The following STK32B variants were observed in gnomAD, a reference collection of about 807,000 sequenced individuals.
STK32B encodes serine/threonine-protein kinase 32B.
A neutral mutation model predicts 52.6 loss-of-function variants in STK32B; 43 were observed. The ratio of observed to expected loss-of-function variants is 0.82; its 90% CI spans 0.64 to 1.05. STK32B has a LOEUF of 1.05. Ranked by LOEUF, STK32B falls within the 50% of genes least tolerant of loss-of-function variation. The pLI, the probability that STK32B is intolerant of heterozygous loss-of-function variation, is 0.00. For synonymous variants in STK32B, 238 were observed against 204.3 expected (o/e 1.17, Z -1.41); for missense variants, 621 against 534.6 (o/e 1.16, Z -1.59).
intron 11 of STK32B, among the ~76,000 whole-genome samples, chr4:5,476,096 C>T (rs1718217828): frequency 6.6e-6 from 1 of 152,064 alleles, no homozygotes; most frequent in African/African-American, 2.4e-5. Flanking sequence ...GATGGGGTTT[C>T]GCCACGTTGG....
chr4:5,193,928 C>T (rs1170627367), intron 3 of STK32B, among the ~76,000 whole-genome samples: 1 of 152,222 alleles, frequency 6.6e-6, no homozygotes, highest in Non-Finnish European at 1.5e-5. Context: ...TATCCTTTCC[C>T]TACTCCGCTG....
chr4:5,347,334 A>G (rs1733535532), intron 4 of STK32B, among the ~76,000 whole-genome samples: 1 of 152,226 alleles, frequency 6.6e-6, no homozygotes, highest in Non-Finnish European at 1.5e-5. Context: ...TCTATAAATA[A>G]AAATACTATC....
At chr4:5,135,999 A>G (rs1410670225) in intron 1 of STK32B, among the ~76,000 whole-genome samples, 1 of 152,196 alleles carries the variant, frequency 6.6e-6, no homozygotes, top group Non-Finnish European at 1.5e-5. Flanking sequence ...TTAGAAATGC[A>G]AATTCTCTAA....
Position 5,416,864 on chromosome 4 carries a change from C to T in STK32B, c.492C>T (p.Asp164=), listed in dbSNP as rs1346684876. ...LDEHGHVHIT[D]FNIATVVKGA... is the part of the protein sequence containing the mutation. ...TTGCAGGACATGTTCACATTACAGA[C>T]TTCAACATAGCGACGGTAGTGAAAG... Residue 164 remains aspartate (D), a synonymous_variant, in exon 6 of 12, where the codon GAC becomes GAT. Transcript: ENST00000282908. The T allele has an allele frequency of 3.7e-6, 6 of 1,613,800 alleles. No homozygotes were observed. In the African/African-American group the frequency reaches 5.3e-5, roughly 14 times the overall value.
chr4:5,303,045 T>C (rs1729671784), intron 3 of STK32B, among the ~76,000 whole-genome samples: 1 of 151,964 alleles, frequency 6.6e-6, no homozygotes, highest in Admixed American at 6.6e-5. Flanking sequence ...TATATATATG[T>C]ATGTATGTAT....
intron 4 of STK32B, among the ~76,000 whole-genome samples, chr4:5,348,408 CT>C (rs1000883311): frequency 6.6e-6 from 1 of 152,190 alleles, no homozygotes; most frequent in African/African-American, 2.4e-5. Context: ...CCCAACACCC[CT>C]TGCGCTTTTG....
chr4:5,322,422 G>T (rs1306963731), intron 3 of STK32B, among the ~76,000 whole-genome samples: 1 of 152,126 alleles, frequency 6.6e-6, no homozygotes, highest in Admixed American at 6.5e-5. Flanking sequence ...AGGTCAGATG[G>T]AATGGAAAGT....
At chr4:5,450,600 C>CT (rs1715902468) in intron 7 of STK32B, among the ~76,000 whole-genome samples, 1 of 152,244 alleles carries the variant, frequency 6.6e-6, no homozygotes, top group Non-Finnish European at 1.5e-5. Flanking sequence ...AACCCTGGCT[C>CT]TAACCAGGTA....
chr4:5,430,169 A>G (rs73211188), intron 6 of STK32B, among the ~76,000 whole-genome samples: 4,358 of 152,186 alleles, frequency 0.029, 69 homozygotes, highest in South Asian at 0.088. Context: ...GCAAATATAT[A>G]TATTTTTGAC....
At chr4:5,136,236 GTGT>G (rs1258024791) in intron 1 of STK32B, among the ~76,000 whole-genome samples, 1 of 152,230 alleles carries the variant, frequency 6.6e-6, no homozygotes, top group Admixed American at 6.5e-5. Context: ...TGCCGCCAAT[GTGT>G]TGTTCCATTG....
At chr4:5,250,574 A>G (rs1164000539) in intron 3 of STK32B, among the ~76,000 whole-genome samples, 1 of 152,108 alleles carries the variant, frequency 6.6e-6, no homozygotes, top group African/African-American at 2.4e-5. Context: ...CGGCCTCCCA[A>G]AGTGCTAGGA....
chr4:5,402,629 G>A (rs888507462), intron 5 of STK32B, among the ~76,000 whole-genome samples: 4 of 152,228 alleles, frequency 2.6e-5, no homozygotes, highest in African/African-American at 9.6e-5. Context: ...CACATCACCT[G>A]GGTCCTAAGA....
At chr4:5,109,186 C>T (rs1317633599) in intron 1 of STK32B, among the ~76,000 whole-genome samples, 1 of 152,160 alleles carries the variant, frequency 6.6e-6, no homozygotes, top group Admixed American at 6.5e-5. Context: ...GGATACAAGA[C>T]CCAGAAGCAA....
At chr4:5,151,436 T>C (rs1717356398) in intron 2 of STK32B, among the ~76,000 whole-genome samples, 1 of 152,140 alleles carries the variant, frequency 6.6e-6, no homozygotes. Context: ...TTATTAAGAG[T>C]TTTCCAGAAA....
chr4:5,337,623 G>T (rs1428255404), intron 4 of STK32B, among the ~76,000 whole-genome samples: 1 of 151,958 alleles, frequency 6.6e-6, no homozygotes, highest in African/African-American at 2.4e-5. Context: ...TTCAGGAAAA[G>T]TGATCTGATA....
intron 3 of STK32B, among the ~76,000 whole-genome samples, chr4:5,254,318 A>T (rs1393739327): frequency 6.7e-6 from 1 of 149,966 alleles, no homozygotes; most frequent in Non-Finnish European, 1.5e-5. Flanking sequence ...TATCAATTTT[A>T]TTGGTGGTTT....
At chr4:5,213,442 A>G (rs1168440713) in intron 3 of STK32B, among the ~76,000 whole-genome samples, 1 of 152,200 alleles carries the variant, frequency 6.6e-6, no homozygotes, top group Non-Finnish European at 1.5e-5. Flanking sequence ...TTGGGATTGG[A>G]GCCTAATAAC....
At position 5,466,480 on chromosome 4, in the gene STK32B, G is replaced by T. The variant is rs531023642; in HGVS notation, c.910-223G>T. On this transcript the variant is annotated intron_variant, in intron 9 of 11. Coordinates refer to ENST00000282908, the MANE Select transcript of STK32B (RefSeq NM_018401.3). ...TAAGGAAATACCTGGATGTTAACAG[G>T]AGTGCGGTTGCCCCAGGGGGACTAT... 5.9e-5 allele frequency among the ~76,000 whole-genome samples: 9 copies of T among 152,310 alleles called. No homozygotes were observed. The East Asian group carries it at 1.5e-3, about 26-fold the overall frequency.
rs140823038 is a variant in STK32B, at chr4:5,168,322, C to T, written c.132C>T (p.Asp44=). The T allele has an allele frequency of 1.1e-5, 17 of 1,613,870 alleles. No individual in the cohort carries two copies. The African/African-American group carries it at 2.0e-4, about 19-fold the overall frequency. Reference sequence around the variant, plus strand: ...AGGTATGCATCGTGCAGAAGCGAGACACTAAGAAAATGTATGCAATGAAGT... The same window carrying T: ...AGGTATGCATCGTGCAGAAGCGAGATACTAAGAAAATGTATGCAATGAAGT... ...FGKVCIVQKR[D]TKKMYAMKYM... is the part of the protein sequence containing the mutation. Residue 44 remains aspartate, a synonymous_variant, in exon 3 of 12, where the codon GAC becomes GAT. Transcript: ENST00000282908.
Sources: allele counts gnomAD v4.1 joint callset (sites outside exome capture counted in the v4.1 genomes callset), GRCh38; gene constraint gnomAD v4.1.1; transcripts MANE v1.5; gene names NCBI Gene and HGNC (gene_info 2026-07-23, HGNC 2026-07-21).